Variants in ICA1 observed in about 807,000 individuals in gnomAD.
ICA1 encodes 69 kDa islet cell autoantigen.
Under a neutral mutation model 71.0 loss-of-function variants are expected in ICA1, and 40 were observed. That is an observed-to-expected ratio of 0.56 (90% confidence interval 0.44 to 0.73). ICA1 has a LOEUF of 0.73. Ranked by LOEUF, ICA1 falls within the 30% of genes least tolerant of loss-of-function variation. The pLI is 0.00. For synonymous variants in ICA1, 207 were observed against 209.5 expected (o/e 0.99, Z 0.10); for missense variants, 578 against 576.5 (o/e 1.00, Z -0.03).
intron 6 of ICA1, among the ~76,000 whole-genome samples, chr7:8,178,574 C>CTTT (rs879700745): frequency 3.6e-5 from 5 of 138,224 alleles, no homozygotes; most frequent in African/African-American, 1.1e-4. Context: ...TTGGTGTGGT[C>CTTT]TTTTTTTTTT....
chr7:8,156,838 T>TC, intron 8 of ICA1: 1 of 1,488,076 alleles, frequency 6.7e-7, no homozygotes, highest in South Asian at 1.4e-5. Context: ...TCACCACAAT[T>TC]CATCTCCCAG....
chr7:8,155,320 C>T (rs550651014), intron 8 of ICA1, among the ~76,000 whole-genome samples: 74 of 152,294 alleles, frequency 4.9e-4, no homozygotes, highest in African/African-American at 1.7e-3. Context: ...ATGTCCTGAA[C>T]CACTGCTGTC....
At chr7:8,139,648 A>T (rs1431042705) in intron 10 of ICA1, among the ~76,000 whole-genome samples, 1 of 152,216 alleles carries the variant, frequency 6.6e-6, no homozygotes, top group Non-Finnish European at 1.5e-5. Context: ...ACCAAGCGTG[A>T]ATGCTAATGT....
intron 1 of ICA1, among the ~76,000 whole-genome samples, chr7:8,249,073 T>C (rs1807180326): frequency 6.6e-6 from 1 of 152,244 alleles, no homozygotes; most frequent in Non-Finnish European, 1.5e-5. Flanking sequence ...CCCAGACTTT[T>C]GCGGCTATTT....
chr7:8,168,105 T>C (rs1445634295), intron 6 of ICA1, among the ~76,000 whole-genome samples: 1 of 152,086 alleles, frequency 6.6e-6, no homozygotes, highest in Non-Finnish European at 1.5e-5. Flanking sequence ...TTGCTTTTCC[T>C]ATGGTCACAT....
intron 1 of ICA1, among the ~76,000 whole-genome samples, chr7:8,241,631 A>C (rs1803928666): frequency 2.0e-5 from 3 of 152,222 alleles, no homozygotes; most frequent in Non-Finnish European, 4.4e-5. Flanking sequence ...AATTGGATAA[A>C]GAGTCAAGAC....
At chr7:8,203,829 C>T (rs766041362) in intron 6 of ICA1, among the ~76,000 whole-genome samples, 10 of 152,162 alleles carry the variant, frequency 6.6e-5, no homozygotes, top group Non-Finnish European at 8.8e-5. Flanking sequence ...GCAGAGGATC[C>T]TTTGCTGGAT....
At chr7:8,141,514 G>C (rs561091248) in intron 10 of ICA1, among the ~76,000 whole-genome samples, 2 of 152,326 alleles carry the variant, frequency 1.3e-5, no homozygotes, top group East Asian at 3.9e-4. Flanking sequence ...CTGCCCCTCT[G>C]AAGAGCTGCT....
At chr7:8,240,923 C>A (rs1803612392) in intron 1 of ICA1, among the ~76,000 whole-genome samples, 1 of 152,106 alleles carries the variant, frequency 6.6e-6, no homozygotes, top group African/African-American at 2.4e-5. Context: ...TGTGAAAAGA[C>A]CAAATCTATG....
At chr7:8,151,815 T>TCTGGTCTCTA (rs1798897854) in intron 8 of ICA1, among the ~76,000 whole-genome samples, 1 of 152,198 alleles carries the variant, frequency 6.6e-6, no homozygotes, top group Non-Finnish European at 1.5e-5. Context: ...CTAAAAGCAT[T>TCTGGTCTCTA]CTGGTCTCTA....
At chr7:8,131,087 A>G (rs1369382439) in intron 12 of ICA1, among the ~76,000 whole-genome samples, 2 of 152,182 alleles carry the variant, frequency 1.3e-5, no homozygotes, top group Non-Finnish European at 2.9e-5. Flanking sequence ...GGAATTTGGT[A>G]TATAGAAACT....
At chr7:8,248,908 G>C (rs552413601) in intron 1 of ICA1, among the ~76,000 whole-genome samples, 4 of 152,128 alleles carry the variant, frequency 2.6e-5, no homozygotes, top group Admixed American at 1.3e-4. Flanking sequence ...TATCATCACT[G>C]TGTTAGAGTC....
At chr7:8,188,500 C>T (rs1437823139) in intron 6 of ICA1, among the ~76,000 whole-genome samples, 2 of 152,278 alleles carry the variant, frequency 1.3e-5, no homozygotes, top group South Asian at 2.1e-4. Flanking sequence ...CTCTGTTATG[C>T]CACCTTCCAA....
rs1024767964 is a variant in ICA1 at position 8,133,866 on chromosome 7, T to G, written c.1060+4974A>C. Among the ~76,000 whole-genome samples, 6 of 149,700 alleles carry G rather than the reference T, an allele frequency of 4.0e-5. No homozygotes were observed. The South Asian group carries it at 1.3e-3, about 32-fold the overall frequency. ...TCATACTTTTTTTTTTTTTTTTTTTTGCAACCAATAGGAATCTTAGAGATC... is the reference window on the plus strand; with the variant it reads ...TCATACTTTTTTTTTTTTTTTTTTTGGCAACCAATAGGAATCTTAGAGATC... On this transcript the variant is annotated intron_variant, in intron 12 of 13. Transcript: ENST00000402384.
intron 6 of ICA1, among the ~76,000 whole-genome samples, chr7:8,171,968 C>T (rs1808524933): frequency 6.6e-6 from 1 of 151,920 alleles, no homozygotes; most frequent in African/African-American, 2.4e-5. Flanking sequence ...AACTAGATTA[C>T]TTTGCATAAT....
intron 6 of ICA1, among the ~76,000 whole-genome samples, chr7:8,207,590 T>A (rs989810506): frequency 1.3e-5 from 2 of 152,190 alleles, no homozygotes; most frequent in African/African-American, 4.8e-5. Flanking sequence ...TTTCTTTTTA[T>A]CAATAACTCA....
At chr7:8,127,740 A>C in intron 13 of ICA1, 133 bp downstream of exon 13, 1 of 920,380 alleles carries the variant, frequency 1.1e-6, no homozygotes. Flanking sequence ...TGTGATTCTG[A>C]GTCTCCAGTT....
intron 8 of ICA1, among the ~76,000 whole-genome samples, chr7:8,155,944 T>C (rs1801334136): frequency 1.3e-5 from 2 of 152,130 alleles, no homozygotes; most frequent in African/African-American, 4.8e-5. Flanking sequence ...AAAAGCTCCT[T>C]CCCCTGAAGT....
At chr7:8,125,316 C>T (rs983407419) in intron 13 of ICA1, among the ~76,000 whole-genome samples, 1 of 152,228 alleles carries the variant, frequency 6.6e-6, no homozygotes, top group Non-Finnish European at 1.5e-5. Context: ...AGCATCCCTC[C>T]CCCTTGCTTA....
Sources: allele counts gnomAD v4.1 joint callset (sites outside exome capture counted in the v4.1 genomes callset), GRCh38; gene constraint gnomAD v4.1.1; transcripts MANE v1.5; gene names NCBI Gene and HGNC (gene_info 2026-07-23, HGNC 2026-07-21).